Variants in CNOT1 observed in about 807,000 individuals in gnomAD.
The protein encoded by CNOT1 is CCR4-NOT transcription complex subunit 1.
CNOT1 carries 15 observed loss-of-function variants against 273.8 expected under a neutral mutation model. The ratio of observed to expected loss-of-function variants is 0.05; its 90% CI spans 0.04 to 0.08. The LOEUF (loss-of-function observed/expected upper bound fraction) is 0.08. Among genes scored for constraint, CNOT1 ranks in the 10% least tolerant of loss-of-function variants. CNOT1 has a pLI of 1.00. For missense variants in CNOT1, 1,644 were observed against 2,912.2 expected, an observed-to-expected ratio of 0.56 and a Z score of 10.02; for synonymous variants, 1,022 against 1,005.5, an observed-to-expected ratio of 1.02 and a Z score of -0.31.
In CNOT1 at chr16:58,543,438, T is replaced by C. The variant is rs747976108; in HGVS notation, c.4434+169A>G. On this transcript the variant is annotated intron_variant, in intron 31 of 48. Transcript: ENST00000317147. ...AAAAAAAAAAAACACACAGACATGA[T>C]GCTTTGCCTCACAGAATTACAATCT... 62 of 1,490,750 alleles carry C rather than the reference T, an allele frequency of 4.2e-5. 1 individual carries two copies. In the Admixed American group the frequency reaches 1.6e-3, roughly 38 times the overall value. The allele number at this position is 1,490,750 out of a possible 1,614,324, so 92.3% of individuals were successfully genotyped here. A position where few individuals can be genotyped will look rare whatever the true frequency, so the allele number is the denominator to read the frequency against.
In CNOT1 at chr16:58,614,110, A is replaced by G. The variant is rs1380313352; in HGVS notation, c.-174-14599T>C. On this transcript the variant is annotated intron_variant, in intron 1 of 48. Transcript: ENST00000317147. ...CTGTCTCAAAAAAAAAAAAAAAGAA[A>G]AGAAAATTACTCTCAAAACCAAAAA... is the stretch of plus-strand genomic sequence containing the variant. Among the ~76,000 whole-genome samples, 2 of 121,168 alleles carry G rather than the reference A, an allele frequency of 1.7e-5. 1 individual carries two copies. Among genetic ancestry groups the G allele is most frequent in the Non-Finnish European group, 3.9e-5 (2 of 51,310 alleles). 79.5% of individuals were successfully genotyped at this position (121,168 alleles called of 152,430 possible).
At chr16:58,551,364 A>T (rs2040443172) in intron 23 of CNOT1, 92 bp from the exon 24 acceptor site, 1 of 1,354,474 alleles carries the variant, frequency 7.4e-7, no homozygotes, top group Non-Finnish European at 1.0e-6. Context: ...GTGTTAAAAA[A>T]TACACATGGT....
chr16:58,541,409 T>A, intron 34 of CNOT1, 92 bp downstream of exon 34: 1 of 1,528,534 alleles, frequency 6.5e-7, no homozygotes, highest in Non-Finnish European at 8.8e-7. Flanking sequence ...TGTAAATTAT[T>A]CTCCCAGGAA....
In CNOT1 at chr16:58,562,282, C is replaced by T. The variant is rs189534918; in HGVS notation, c.1980-1920G>A. ...GGGAGGGAGGCAGTGGTGGGAGGATCGCTTGAGGAAGGAGTTTCGAGACCA... is the reference window on the plus strand; with the variant it reads ...GGGAGGGAGGCAGTGGTGGGAGGATTGCTTGAGGAAGGAGTTTCGAGACCA... On this transcript the variant is annotated intron_variant, in intron 16 of 48. Coordinates refer to ENST00000317147, the MANE Select transcript of CNOT1 (RefSeq NM_016284.5). 2.7e-5 allele frequency among the ~76,000 whole-genome samples: 4 copies of T among 148,958 alleles called. No homozygotes were observed. In the East Asian group the frequency reaches 6.1e-4, roughly 23 times the overall value.
At chr16:58,551,453 T>C in intron 23 of CNOT1, 136 bp downstream of exon 23, 1 of 1,228,560 alleles carries the variant, frequency 8.1e-7, no homozygotes, top group Non-Finnish European at 1.1e-6. Context: ...GGATGGGAGA[T>C]ACAAAGGAAG....
chr16:58,581,670 T>C (rs986587677), intron 10 of CNOT1, among the ~76,000 whole-genome samples, 155 bp from the exon 11 acceptor site: 4 of 152,138 alleles, frequency 2.6e-5, no homozygotes, highest in African/African-American at 4.8e-5. Flanking sequence ...TTTTTTCTTT[T>C]TTTTTTTTTA....
chr16:58,624,277 C>T (rs1393245013), intron 1 of CNOT1, among the ~76,000 whole-genome samples: 3 of 152,084 alleles, frequency 2.0e-5, no homozygotes, highest in Non-Finnish European at 4.4e-5. Flanking sequence ...TTGCTTGATG[C>T]GCAGGGGAAA....
chr16:58,558,539 G>T lies in CNOT1; in HGVS notation c.2266C>A (p.Pro756Thr). ...TPQSPAKAFP[P>T]LSTPNQTTAF... ...GTGGTCTGATTGGGGGTTGAAAGGGGTGGAAATGCTTTTGCTGGTGACTGA... is the reference window on the plus strand; with the variant it reads ...GTGGTCTGATTGGGGGTTGAAAGGGTTGGAAATGCTTTTGCTGGTGACTGA... Residue 756 changes from proline to threonine, a missense_variant, in exon 18 of 49, where the codon CCC becomes ACC. Pro to Thr is a conservative substitution (Grantham distance 38). Transcript: ENST00000317147. 2 of 1,613,630 alleles carry T rather than the reference G, an allele frequency of 1.2e-6. No individual in the cohort carries two copies. The highest frequency in any genetic ancestry group is 4.5e-5 in the East Asian group (2 of 44,872).
At chr16:58,589,291 T>A (rs2041974121) in intron 2 of CNOT1, among the ~76,000 whole-genome samples, 1 of 152,134 alleles carries the variant, frequency 6.6e-6, no homozygotes, top group South Asian at 2.1e-4. Context: ...GGCTGATGGA[T>A]CACCTGAGGT....
rs1386959659 is a variant in CNOT1, at chr16:58,520,883, G to T, written c.*75C>A. On this transcript the variant is annotated 3_prime_UTR_variant, in exon 49 of 49. Transcript: ENST00000317147. The stretch of plus-strand genomic sequence containing the variant: ...TGGGAAAGTCAGGAAGAGCTGAAAG[G>T]ATTCTTCAGTCAGTTTATGAACTCG... The T allele has an allele frequency of 2.7e-6, 4 of 1,455,240 alleles. No homozygotes were observed. Among genetic ancestry groups the T allele is most frequent in the Non-Finnish European group, 1.9e-6 (2 of 1,047,066 alleles). The allele number at this position is 1,455,240 out of a possible 1,614,324, so 90.1% of individuals were successfully genotyped here.
chr16:58,539,717 T>C, intron 35 of CNOT1, 51 bp downstream of exon 35: 1 of 1,519,530 alleles, frequency 6.6e-7, no homozygotes, highest in Non-Finnish European at 8.9e-7. Flanking sequence ...TGCAGGTCAA[T>C]AAATGTTTAC....
chr16:58,579,348 CTCAA>C (rs2041574617), intron 12 of CNOT1, among the ~76,000 whole-genome samples: 1 of 152,130 alleles, frequency 6.6e-6, no homozygotes, highest in African/African-American at 2.4e-5. Context: ...CGTCTGGATT[CTCAA>C]TCATAGAAAT....
chr16:58,538,115 T>G (rs765876584), intron 37 of CNOT1, 43 bp downstream of exon 37: 1 of 1,612,800 alleles, frequency 6.2e-7, no homozygotes, highest in Non-Finnish European at 8.5e-7. Flanking sequence ...GCAAACGTAC[T>G]TCCCTGAGTC....
In CNOT1 at chr16:58,530,251, A is replaced by G; in HGVS notation, c.6274T>C (p.Tyr2092His). Residue 2092 changes from tyrosine to histidine, a missense_variant, in exon 43 of 49, where the codon TAC (tyrosine) becomes CAC (histidine). Physicochemically the swap from Tyr to His is moderately conservative, Grantham distance 83 (BLOSUM62 2). Coordinates refer to ENST00000317147, the MANE Select transcript of CNOT1 (RefSeq NM_016284.5). ...AATAAATCCAAGTTAATTACCTTGT[A>G]GAGGATTTGCATAGGTTTGGTGAGT... Reference protein sequence around the residue: ...VELTKPMQILYKGTLRVLLVL... With the variant: ...VELTKPMQILHKGTLRVLLVL... 6.3e-7 allele frequency: 1 copy of G among 1,599,150 alleles called. No homozygotes were observed. Among genetic ancestry groups the G allele is most frequent in the Non-Finnish European group, 8.5e-7 (1 of 1,169,898 alleles).
intron 39 of CNOT1, among the ~76,000 whole-genome samples, chr16:58,536,534 C>T (rs2039936168): frequency 6.6e-6 from 1 of 151,820 alleles, no homozygotes; most frequent in Non-Finnish European, 1.5e-5. Flanking sequence ...AAGTATTTTC[C>T]AAAGGAACAT....
At chr16:58,578,971 A>T in intron 12 of CNOT1, 32 bp from the exon 13 acceptor site, 1 of 1,606,178 alleles carries the variant, frequency 6.2e-7, no homozygotes, top group Non-Finnish European at 8.5e-7. Context: ...TGCTTTATCA[A>T]TGAAAATCCA....
intron 1 of CNOT1, among the ~76,000 whole-genome samples, chr16:58,605,944 C>T (rs1308976103): frequency 6.6e-6 from 1 of 152,132 alleles, no homozygotes; most frequent in South Asian, 2.1e-4. Flanking sequence ...GCATGAGCCA[C>T]GGTACCCAGC....
At chr16:58,562,924 T>C (rs1325246502) in intron 16 of CNOT1, among the ~76,000 whole-genome samples, 11 of 152,262 alleles carry the variant, frequency 7.2e-5, no homozygotes, top group Middle Eastern at 3.4e-3. Context: ...GTAAAAGTCA[T>C]CACTCAGAAA....
chr16:58,621,797 G>C (rs535031978), intron 1 of CNOT1, among the ~76,000 whole-genome samples: 1 of 149,352 alleles, frequency 6.7e-6, no homozygotes, highest in Admixed American at 6.7e-5. Context: ...TGTAGTCCCA[G>C]CTATTCAGGA....
Sources: gnomAD v4.1 joint callset for allele counts (sites outside exome capture counted in the v4.1 genomes callset) on GRCh38, gnomAD v4.1.1 for gene constraint, MANE v1.5 for transcripts, NCBI Gene and HGNC (gene_info 2026-07-23, HGNC 2026-07-21) for gene names.